The following GGTA1 variants were observed in gnomAD, a reference collection of about 807,000 sequenced individuals.
GGTA1 encodes the protein glycoprotein alpha-galactosyltransferase 1 (inactive).
Under a neutral mutation model 2.6 loss-of-function variants are expected in GGTA1, and 5 were observed. That is an observed-to-expected ratio of 1.92 (90% CI 1.00 to 4.04). The LOEUF is 4.04. Among genes scored for constraint, GGTA1 ranks in the 30% most tolerant of loss-of-function variants. The pLI is 0.00. For synonymous variants in GGTA1, 17 were observed against 5.0 expected, an observed-to-expected ratio of 3.38 and a Z score of -3.19; for missense variants, 50 against 16.7, an observed-to-expected ratio of 2.99 and a Z score of -3.47.
chr9:121,460,038 C>T (rs2118665538), intron 5 of GGTA1, 66 bp downstream of exon 5: 1 of 447,028 alleles, frequency 2.2e-6, no homozygotes, highest in African/African-American at 2.0e-5. Flanking sequence ...CTGTTGCCTC[C>T]ACTGCCACAC....
chr9:121,477,218 T>G (rs1235240600), intron 1 of GGTA1, among the ~76,000 whole-genome samples: 2 of 152,090 alleles, frequency 1.3e-5, no homozygotes, highest in Non-Finnish European at 2.9e-5. Flanking sequence ...CAATAACAAA[T>G]TGGGAAGCTA....
chr9:121,446,247 C>T (rs959877545), exon 8 of GGTA1: 1 of 152,328 alleles, frequency 6.6e-6, no homozygotes, highest in Admixed American at 6.5e-5. Context: ...ATGGCAAACT[C>T]ATGTCAAGGC....
intron 1 of GGTA1, among the ~76,000 whole-genome samples, chr9:121,477,148 C>T (rs1828526761): frequency 6.6e-6 from 1 of 152,236 alleles, no homozygotes; most frequent in South Asian, 2.1e-4. Context: ...GCTGAGTTTT[C>T]TCATGATCTG....
chr9:121,493,748 CTTTTTTTTTTTTT>C (rs35465171), intron 1 of GGTA1, among the ~76,000 whole-genome samples: 1 of 36,560 alleles, frequency 2.7e-5, no homozygotes, highest in Non-Finnish European at 5.5e-5. Flanking sequence ...GACTCACTCT[CTTTTTTTTTTTTT>C]TTTTTTTTTT....
At chr9:121,496,863 CA>C in intron 1 of GGTA1, among the ~76,000 whole-genome samples, 1 of 146,772 alleles carries the variant, frequency 6.8e-6, no homozygotes, top group East Asian at 2.1e-4. Context: ...CTCAAACAAA[CA>C]AAAAAAAGAG....
chr9:121,482,584 C>T (rs1240569334), intron 1 of GGTA1, among the ~76,000 whole-genome samples: 1 of 152,038 alleles, frequency 6.6e-6, no homozygotes, highest in Non-Finnish European at 1.5e-5. Flanking sequence ...GCCTGGCCAA[C>T]ATGGTGAAAC....
At chr9:121,448,052 GTCTTTCTAAC>G (rs2118741312) in intron 7 of GGTA1, among the ~76,000 whole-genome samples, 1 of 152,278 alleles carries the variant, frequency 6.6e-6, no homozygotes, top group Admixed American at 6.5e-5. Context: ...GGATGCTTAA[GTCTTTCTAAC>G]TCTGGGGGTT....
At chr9:121,460,503 G>T (rs2064951511) in intron 4 of GGTA1, among the ~76,000 whole-genome samples, 1 of 152,154 alleles carries the variant, frequency 6.6e-6, no homozygotes, top group Non-Finnish European at 1.5e-5. Flanking sequence ...AACTTGATAA[G>T]ACAATTCTTC....
At chr9:121,460,009 A>G in intron 5 of GGTA1, 95 bp downstream of exon 5, 3 of 411,022 alleles carry the variant, frequency 7.3e-6, no homozygotes, top group Non-Finnish European at 9.6e-6. Context: ...CTCCTAAATC[A>G]GGAATGTTCT....
At chr9:121,483,046 G>A (rs920009885) in intron 1 of GGTA1, among the ~76,000 whole-genome samples, 20 of 152,184 alleles carry the variant, frequency 1.3e-4, no homozygotes, top group Non-Finnish European at 2.9e-5. Flanking sequence ...AACCTAAAGA[G>A]CTAGGATGAG....
intron 1 of GGTA1, among the ~76,000 whole-genome samples, chr9:121,483,592 C>T (rs554401579): frequency 6.6e-6 from 1 of 152,194 alleles, no homozygotes; most frequent in African/African-American, 2.4e-5. Flanking sequence ...AGCTTGGTAC[C>T]GTGTCCAGCC....
intron 1 of GGTA1, among the ~76,000 whole-genome samples, chr9:121,486,498 G>A (rs780619745): frequency 6.6e-6 from 1 of 152,216 alleles, no homozygotes; most frequent in Non-Finnish European, 1.5e-5. Context: ...CCTAGGGAAG[G>A]CCCCACAACC....
In GGTA1 at chr9:121,497,563, A is replaced by C. The variant is rs148034771; in HGVS notation, c.-10+2087T>G. On this transcript the variant is annotated intron_variant, in intron 1 of 5. Transcript: ENST00000481799. ...AATGGGTTAGCCTGAGGGGCTGCTC[A>C]GCCCACAGCCCCTCAGGCTCCAGTC... is the stretch of plus-strand genomic sequence containing the variant. Among the ~76,000 whole-genome samples the C allele has an allele frequency of 1.5e-3, 229 of 152,170 alleles. 2 individuals carry two copies. Among genetic ancestry groups the C allele is most frequent in the African/African-American group, 5.2e-3 (218 of 41,526 alleles).
intron 4 of GGTA1, 86 bp from the exon 5 acceptor site, chr9:121,460,305 G>C (rs1197183941): frequency 2.3e-6 from 1 of 444,246 alleles, no homozygotes; most frequent in Admixed American, 2.4e-5. Flanking sequence ...GTGGAAATGT[G>C]TTCCAAGGCA....
At chr9:121,470,891 C>T (rs1292952263) in intron 1 of GGTA1, among the ~76,000 whole-genome samples, 1 of 152,232 alleles carries the variant, frequency 6.6e-6, no homozygotes, top group African/African-American at 2.4e-5. Flanking sequence ...AATAAAACTT[C>T]AGTCTCCCGC....
intron 1 of GGTA1, among the ~76,000 whole-genome samples, chr9:121,471,885 C>T (rs911862069): frequency 1.3e-5 from 2 of 152,220 alleles, no homozygotes; most frequent in African/African-American, 4.8e-5. Flanking sequence ...CTGGAAAAGT[C>T]TTAGTTTCGG....
intron 1 of GGTA1, among the ~76,000 whole-genome samples, chr9:121,480,534 A>G (rs546896518): frequency 6.6e-6 from 1 of 152,274 alleles, no homozygotes; most frequent in East Asian, 1.9e-4. Context: ...CAGGGAGTAC[A>G]GTCTGGAAAC....
intron 1 of GGTA1, among the ~76,000 whole-genome samples, chr9:121,488,715 C>T (rs1339096178): frequency 1.3e-5 from 2 of 151,002 alleles, no homozygotes; most frequent in East Asian, 1.9e-4. Flanking sequence ...GAAACTCCGT[C>T]TCAAAAAGCA....
At chr9:121,487,102 G>C (rs1053497354) in intron 1 of GGTA1, among the ~76,000 whole-genome samples, 2 of 152,148 alleles carry the variant, frequency 1.3e-5, no homozygotes, top group Non-Finnish European at 2.9e-5. Flanking sequence ...CCAGGTTGTC[G>C]GGCACACAGA....
Sources: allele counts gnomAD v4.1 joint callset (sites outside exome capture counted in the v4.1 genomes callset), GRCh38; gene constraint gnomAD v4.1.1; transcripts MANE v1.5; gene names NCBI Gene and HGNC (gene_info 2026-07-23, HGNC 2026-07-21).